The following PDE4D variants were observed in gnomAD, a reference collection of about 807,000 sequenced individuals.
PDE4D encodes phosphodiesterase 4D.
A neutral mutation model predicts 87.4 loss-of-function variants in PDE4D; 24 were observed. That is an observed-to-expected ratio of 0.27 (90% CI 0.20 to 0.39). The LOEUF is 0.39. Among genes scored for constraint, PDE4D ranks in the 10% least tolerant of loss-of-function variants. The pLI is 1.00. For synonymous variants in PDE4D, 384 were observed against 383.2 expected, an observed-to-expected ratio of 1.00 and a Z score of -0.02; for missense variants, 714 against 1,041.0, an observed-to-expected ratio of 0.69 and a Z score of 4.32.
intron 1 of PDE4D, among the ~76,000 whole-genome samples, chr5:60,467,695 T>C (rs1186598695): frequency 6.6e-6 from 1 of 152,006 alleles, no homozygotes; most frequent in South Asian, 2.1e-4. Flanking sequence ...AGAAAAGAGG[T>C]CCGATTAACT....
chr5:60,504,513 T>A (rs1254563847), intron 1 of PDE4D, among the ~76,000 whole-genome samples: 1 of 152,098 alleles, frequency 6.6e-6, no homozygotes, highest in Admixed American at 6.6e-5. Flanking sequence ...GGCAGTTTCA[T>A]TCTCTCTACA....
chr5:59,329,988 TTAAG>T (rs1443318273), intron 1 of PDE4D, among the ~76,000 whole-genome samples: 10 of 152,232 alleles, frequency 6.6e-5, no homozygotes, highest in Non-Finnish European at 1.3e-4. Flanking sequence ...TGGAGCATTA[TTAAG>T]TGAGTCAAAG....
intron 1 of PDE4D, among the ~76,000 whole-genome samples, chr5:59,848,447 T>C (rs956352779): frequency 1.3e-5 from 2 of 152,062 alleles, no homozygotes; most frequent in East Asian, 1.9e-4. Context: ...CACACACATA[T>C]ATTAGGACAT....
At chr5:60,306,935 A>G (rs1054413045) in intron 1 of PDE4D, among the ~76,000 whole-genome samples, 16 of 152,140 alleles carry the variant, frequency 1.1e-4, no homozygotes, top group African/African-American at 3.1e-4. Context: ...TCCACAACAT[A>G]GATAAACAAT....
intron 1 of PDE4D, among the ~76,000 whole-genome samples, chr5:59,432,329 T>C (rs1005887204): frequency 6.6e-6 from 1 of 152,236 alleles, no homozygotes; most frequent in Admixed American, 6.5e-5. Flanking sequence ...GTGAGTTCTT[T>C]TCAATAGTTA....
At chr5:60,284,823 A>G (rs773055628) in intron 1 of PDE4D, among the ~76,000 whole-genome samples, 22 of 151,114 alleles carry the variant, frequency 1.5e-4, no homozygotes, top group African/African-American at 5.2e-4. Flanking sequence ...AAAGTCAAGA[A>G]TCTTCAGAAA....
intron 1 of PDE4D, among the ~76,000 whole-genome samples, chr5:59,864,617 CCTATG>C (rs1247947330): frequency 6.6e-6 from 1 of 152,122 alleles, no homozygotes; most frequent in African/African-American, 2.4e-5. Flanking sequence ...CTGACGTGTG[CCTATG>C]AATAGTTAGG....
At chr5:59,535,499 A>T (rs1815034631) in intron 1 of PDE4D, among the ~76,000 whole-genome samples, 1 of 152,148 alleles carries the variant, frequency 6.6e-6, no homozygotes, top group African/African-American at 2.4e-5. Context: ...TTTACCTCCT[A>T]GGGATGATGC....
chr5:59,199,151 C>G (rs527599073), intron 2 of PDE4D, among the ~76,000 whole-genome samples: 8 of 152,270 alleles, frequency 5.3e-5, no homozygotes, highest in Admixed American at 1.3e-4. Context: ...CATGTAAGAC[C>G]CACTGCTTTT....
At chr5:60,437,225 C>A (rs989740464) in intron 1 of PDE4D, among the ~76,000 whole-genome samples, 4 of 152,054 alleles carry the variant, frequency 2.6e-5, no homozygotes, top group African/African-American at 9.7e-5. Context: ...TGGGCACAAG[C>A]TTTGGAATCA....
chr5:60,202,835 G>T (rs1161848450), intron 1 of PDE4D, among the ~76,000 whole-genome samples: 1 of 152,030 alleles, frequency 6.6e-6, no homozygotes, highest in African/African-American at 2.4e-5. Context: ...TAGTCAGCAT[G>T]CTATTTCTAG....
chr5:60,268,175 C>T (rs117882528), intron 1 of PDE4D, among the ~76,000 whole-genome samples: 2 of 152,174 alleles, frequency 1.3e-5, no homozygotes, highest in East Asian at 3.9e-4. Context: ...AGGAAAACTG[C>T]CAGATGATGG....
At chr5:59,038,277 C>A (rs1758908790) in intron 6 of PDE4D, among the ~76,000 whole-genome samples, 1 of 152,166 alleles carries the variant, frequency 6.6e-6, no homozygotes, top group African/African-American at 2.4e-5. Context: ...TAAATGACCT[C>A]AAAAAACTGG....
chr5:60,083,818 C>G lies in PDE4D; in HGVS notation c.43-95101G>C, dbSNP rs1466927086. Among the ~76,000 whole-genome samples, 3 of 152,246 alleles carry G rather than the reference C, an allele frequency of 2.0e-5. 1 individual carries two copies. Among genetic ancestry groups the G allele is most frequent in the African/African-American group, 7.2e-5 (3 of 41,536 alleles). On this transcript the variant is annotated intron_variant, in intron 2 of 16. Transcript: ENST00000502484. ...TTTAAGTAACAGTCTTAATAATGGG[C>G]TTGTTCCTTGACAGTTGCTTTCTTT...
intron 2 of PDE4D, among the ~76,000 whole-genome samples, chr5:59,200,002 G>A (rs930334050): frequency 6.8e-6 from 1 of 146,826 alleles, no homozygotes; most frequent in African/African-American, 2.5e-5. Flanking sequence ...ATACATGCAT[G>A]CAACATACAT....
intron 5 of PDE4D, among the ~76,000 whole-genome samples, chr5:59,051,939 TTTC>T (rs1197197777): frequency 1.7e-5 from 2 of 118,272 alleles, no homozygotes; most frequent in Non-Finnish European, 3.5e-5. Flanking sequence ...CCTCCCTCCC[TTTC>T]TTCTTTTCTT....
intron 2 of PDE4D, among the ~76,000 whole-genome samples, chr5:60,008,912 T>C (rs555736858): frequency 9.2e-5 from 14 of 152,190 alleles, no homozygotes; most frequent in South Asian, 6.2e-4. Context: ...TAATTTTGTA[T>C]GCTGATTTTG....
chr5:59,352,355 T>C (rs899026871), intron 1 of PDE4D, among the ~76,000 whole-genome samples: 2 of 152,184 alleles, frequency 1.3e-5, no homozygotes, highest in Admixed American at 6.6e-5. Flanking sequence ...CTGTCACATC[T>C]GTTACATCTG....
chr5:59,689,558 A>G (rs1441745679), intron 1 of PDE4D, among the ~76,000 whole-genome samples: 3 of 152,174 alleles, frequency 2.0e-5, no homozygotes, highest in Non-Finnish European at 4.4e-5. Context: ...CTAGGCATTG[A>G]TGGGATGTAT....
Sources: gnomAD v4.1 joint callset for allele counts (sites outside exome capture counted in the v4.1 genomes callset) on GRCh38, gnomAD v4.1.1 for gene constraint, MANE v1.5 for transcripts, NCBI Gene and HGNC (gene_info 2026-07-23, HGNC 2026-07-21) for gene names.